The following KCNIP4 variants were observed in gnomAD, a reference collection of about 807,000 sequenced individuals.
The protein encoded by KCNIP4 is Kv channel-interacting protein 4.
Under a neutral mutation model 34.0 loss-of-function variants are expected in KCNIP4, and 12 were observed. That is an observed-to-expected ratio of 0.35 (90% CI 0.23 to 0.57). KCNIP4 has a LOEUF of 0.57. Among genes scored for constraint, KCNIP4 ranks in the 20% least tolerant of loss-of-function variants. The pLI is 0.83. For synonymous variants in KCNIP4, 124 were observed against 102.2 expected, an observed-to-expected ratio of 1.21 and a Z score of -1.29; for missense variants, 238 against 311.7, an observed-to-expected ratio of 0.76 and a Z score of 1.78.
chr4:21,839,675 C>T (rs957963963), intron 1 of KCNIP4, among the ~76,000 whole-genome samples: 30 of 152,134 alleles, frequency 2.0e-4, no homozygotes, highest in Non-Finnish European at 4.0e-4. Flanking sequence ...ATCATGTGAA[C>T]CTGGGAGGTG....
chr4:20,781,242 C>T (rs548188064), intron 3 of KCNIP4, among the ~76,000 whole-genome samples: 1 of 152,218 alleles, frequency 6.6e-6, no homozygotes, highest in East Asian at 1.9e-4. Flanking sequence ...TTAGAATTTT[C>T]AAGATTTAAT....
intron 1 of KCNIP4, among the ~76,000 whole-genome samples, chr4:21,749,052 T>C (rs1716970409): frequency 6.6e-6 from 1 of 152,176 alleles, no homozygotes; most frequent in Non-Finnish European, 1.5e-5. Flanking sequence ...CCATTCAGAA[T>C]ATTAAATGTA....
At chr4:21,609,269 T>G (rs924004616) in intron 1 of KCNIP4, among the ~76,000 whole-genome samples, 2 of 152,194 alleles carry the variant, frequency 1.3e-5, no homozygotes, top group African/African-American at 4.8e-5. Flanking sequence ...ATCTATTGTA[T>G]GTATGTGTGT....
chr4:20,736,569 T>G (rs1306867292), intron 5 of KCNIP4, among the ~76,000 whole-genome samples: 1 of 152,190 alleles, frequency 6.6e-6, no homozygotes, highest in Non-Finnish European at 1.5e-5. Flanking sequence ...TTTCTAATTT[T>G]TATATGTTTA....
At chr4:21,348,982 G>GTCAATTA (rs1717737989) in intron 1 of KCNIP4, among the ~76,000 whole-genome samples, 1 of 152,152 alleles carries the variant, frequency 6.6e-6, no homozygotes, top group African/African-American at 2.4e-5. Flanking sequence ...GAGAGAATTG[G>GTCAATTA]CTTTGTCAAT....
At chr4:21,719,005 G>A (rs1449890024) in intron 1 of KCNIP4, 3 of 152,112 alleles carry the variant, frequency 2.0e-5, no homozygotes, top group South Asian at 2.1e-4. Context: ...AGCACTCAGC[G>A]GTAAGAACCT....
At chr4:21,482,679 C>T (rs2109837075) in intron 1 of KCNIP4, among the ~76,000 whole-genome samples, 1 of 152,224 alleles carries the variant, frequency 6.6e-6, no homozygotes, top group African/African-American at 2.4e-5. Context: ...GCTGAGAGAT[C>T]AGCTGTTAGT....
At chr4:20,993,991 C>T (rs76699789) in intron 1 of KCNIP4, among the ~76,000 whole-genome samples, 3,802 of 152,256 alleles carry the variant, frequency 0.025, 151 homozygotes, top group African/African-American at 0.086. Context: ...GTCTTTCTCA[C>T]ATTCCATTGC....
At chr4:21,318,241 G>A (rs1022521006) in intron 1 of KCNIP4, among the ~76,000 whole-genome samples, 1 of 152,246 alleles carries the variant, frequency 6.6e-6, no homozygotes, top group East Asian at 1.9e-4. Flanking sequence ...CTCATGTAAA[G>A]GTTTGCTAGG....
intron 1 of KCNIP4, among the ~76,000 whole-genome samples, chr4:21,787,411 A>T (rs1719982286): frequency 1.3e-5 from 2 of 152,164 alleles, no homozygotes; most frequent in Admixed American, 1.3e-4. Context: ...TCCTCAATGA[A>T]GCCTGGTCTC....
At chr4:21,307,205 C>T (rs1258996724) in intron 1 of KCNIP4, among the ~76,000 whole-genome samples, 2 of 152,068 alleles carry the variant, frequency 1.3e-5, no homozygotes, top group Non-Finnish European at 2.9e-5. Flanking sequence ...TTACGGGTTC[C>T]TTTGCTGTTA....
chr4:20,907,266 G>C (rs1489250592), intron 1 of KCNIP4, among the ~76,000 whole-genome samples: 2 of 152,138 alleles, frequency 1.3e-5, no homozygotes, highest in African/African-American at 4.8e-5. Context: ...TGGAAATTAA[G>C]AGGATCCTCC....
chr4:20,973,553 G>A (rs1287791897), intron 1 of KCNIP4, among the ~76,000 whole-genome samples: 2 of 152,158 alleles, frequency 1.3e-5, no homozygotes, highest in Non-Finnish European at 2.9e-5. Flanking sequence ...TTTCCTTTGA[G>A]AACTATTTCT....
chr4:21,440,578 G>T (rs533678678), intron 1 of KCNIP4, among the ~76,000 whole-genome samples: 1 of 152,272 alleles, frequency 6.6e-6, no homozygotes, highest in African/African-American at 2.4e-5. Flanking sequence ...TGTTGACACT[G>T]CTAGGAAAAA....
chr4:21,347,968 G>A (rs1048163728), intron 1 of KCNIP4, among the ~76,000 whole-genome samples: 5 of 152,190 alleles, frequency 3.3e-5, no homozygotes, highest in African/African-American at 7.2e-5. Context: ...TCTCAGTGAT[G>A]TAGACTTAGG....
chr4:21,339,945 A>G (rs775338722), intron 1 of KCNIP4, among the ~76,000 whole-genome samples: 4 of 152,126 alleles, frequency 2.6e-5, no homozygotes, highest in Non-Finnish European at 4.4e-5. Context: ...ATTCTCATCA[A>G]TCACTCAGTT....
intron 1 of KCNIP4, among the ~76,000 whole-genome samples, chr4:21,074,098 C>CT (rs775904064): frequency 3.2e-4 from 48 of 152,142 alleles, no homozygotes; most frequent in African/African-American, 2.9e-4. Context: ...CTAAAATTCT[C>CT]TTTTTTTGTT....
At chr4:20,806,395 C>T (rs1491365) in intron 3 of KCNIP4, among the ~76,000 whole-genome samples, 14,416 of 152,038 alleles carry the variant, frequency 0.095, 871 homozygotes, top group Admixed American at 0.15. Context: ...TACTTCAATG[C>T]ATTTTACTCA....
At chr4:20,829,454 G>A (rs552211845) in intron 3 of KCNIP4, among the ~76,000 whole-genome samples, 22 of 152,128 alleles carry the variant, frequency 1.4e-4, no homozygotes, top group African/African-American at 5.1e-4. Context: ...TGATCTGCCC[G>A]CCTCAGCCTC....
Sources: gnomAD v4.1 joint callset for allele counts (sites outside exome capture counted in the v4.1 genomes callset) on GRCh38, gnomAD v4.1.1 for gene constraint, MANE v1.5 for transcripts, NCBI Gene and HGNC (gene_info 2026-07-23, HGNC 2026-07-21) for gene names.